ZNF687: variants seen among roughly 807,000 people sequenced by gnomAD.
ZNF687 encodes the protein zinc finger protein 687.
In ZNF687, 13 loss-of-function variants were observed where a neutral mutation model predicts 71.8. The ratio of observed to expected loss-of-function variants is 0.18; its 90% CI spans 0.12 to 0.29. The LOEUF is 0.29. Ranked by LOEUF, ZNF687 falls within the 10% of genes least tolerant of loss-of-function variation. The pLI, the probability that ZNF687 is intolerant of heterozygous loss-of-function variation, is 1.00. For missense variants in ZNF687, 1,412 were observed against 1,625.6 expected, an observed-to-expected ratio of 0.87 and a Z score of 2.26; for synonymous variants, 673 against 641.6, an observed-to-expected ratio of 1.05 and a Z score of -0.74.
Position 151,286,307 on chromosome 1 carries a change from A to G in ZNF687, c.16A>G (p.Thr6Ala). The change falls in exon 2 of 9, where the codon ACC becomes GCC. Residue 6 changes from threonine (T) to alanine (A), a missense_variant. By Grantham distance (58) the Thr-to-Ala change is moderately conservative. Coordinates refer to ENST00000336715, the MANE Select transcript of ZNF687 (RefSeq NM_020832.3). MGDMK[T>A]PDFDDLLAAF... is the part of the protein sequence containing the mutation. Reference sequence around the variant, plus strand: ...ATCTGCCGATATGGGGGATATGAAGACCCCTGATTTTGATGACCTCCTTGC... The same window carrying G: ...ATCTGCCGATATGGGGGATATGAAGGCCCCTGATTTTGATGACCTCCTTGC... The G allele has an allele frequency of 1.9e-6, 3 of 1,563,538 alleles. No individual in the cohort carries two copies. Among genetic ancestry groups the G allele is most frequent in the East Asian group, 2.2e-5 (1 of 44,492 alleles).
chr1:151,282,953 A>T, intron 1 of ZNF687: 1 of 237,674 alleles, frequency 4.2e-6, no homozygotes, highest in Non-Finnish European at 6.8e-6. Context: ...GACCCCAGCT[A>T]GAGAGCTGAG....
chr1:151,289,342 C>A (rs770526729), intron 4 of ZNF687, 36 bp from the exon 5 acceptor site: 1 of 1,613,774 alleles, frequency 6.2e-7, no homozygotes, highest in South Asian at 1.1e-5. Context: ...GGGCTGCACC[C>A]AACCCTGCCT....
At chr1:151,290,320 A>T in intron 7 of ZNF687, 86 bp downstream of exon 7, 8 of 1,608,354 alleles carry the variant, frequency 5.0e-6, no homozygotes, top group Non-Finnish European at 6.8e-6. Context: ...CGACGTGTCT[A>T]AGTGGCCTGA....
chr1:151,283,331 C>G, intron 1 of ZNF687: 2 of 983,968 alleles, frequency 2.0e-6, no homozygotes, highest in Non-Finnish European at 2.4e-6. Flanking sequence ...CAGTGGAGCC[C>G]CCACTCGACC....
chr1:151,283,127 C>T (rs1304650640), intron 1 of ZNF687: 1 of 985,330 alleles, frequency 1.0e-6, no homozygotes, highest in Non-Finnish European at 1.2e-6. Flanking sequence ...AGAAGGGCCG[C>T]GCGCCTCAGT....
rs1259062392 is a variant in ZNF687, at chr1:151,291,187, A to G, written c.3692A>G (p.Gln1231Arg). 2.5e-6 allele frequency: 4 copies of G among 1,611,846 alleles called. No individual in the cohort carries two copies. ...GGCATGGCGTTCATCAGGGCTCGGC[A>G]GGGGGCTGTTGGGGACAACTAGTCT... ...THGMAFIRAR[Q>R]GAVGDN is the part of the protein sequence containing the mutation. The change falls in exon 9 of 9, where the codon CAG becomes CGG. Residue 1231 changes from glutamine to arginine, a missense_variant. Transcript: ENST00000336715.
upstream of ZNF687, chr1:151,282,048 C>T: frequency 2.3e-6 from 3 of 1,282,634 alleles, no homozygotes; most frequent in Non-Finnish European, 2.1e-6. Context: ...GTAGATGGGG[C>T]AGACGGACCC....
In ZNF687 at chr1:151,286,749, G is replaced by A; in HGVS notation, c.458G>A (p.Gly153Asp). Residue 153 changes from glycine (G) to aspartate (D), a missense_variant, in exon 2 of 9, where the codon GGC (glycine) becomes GAC (aspartate). By Grantham distance (94) the Gly-to-Asp change is moderately conservative. This residue lies in a region of ZNF687 where 490 missense variants were observed against 489.9 expected (regional missense o/e 1.00). Transcript: ENST00000336715. The part of the protein sequence containing the change: ...PPSGGTWKEK[G>D]MEGKTPLDLF... ...AGTGGGGGCACCTGGAAAGAAAAAGGCATGGAAGGCAAAACTCCCTTGGAC... is the reference window on the plus strand; with the variant it reads ...AGTGGGGGCACCTGGAAAGAAAAAGACATGGAAGGCAAAACTCCCTTGGAC... 6.2e-7 allele frequency: 1 copy of A among 1,614,204 alleles called. No individual in the cohort carries two copies. The highest frequency in any genetic ancestry group is 1.1e-5 in the South Asian group (1 of 91,086).
At position 151,291,313 on chromosome 1, in the gene ZNF687, G is replaced by A. The variant is rs904552800; in HGVS notation, c.*104G>A. Reference sequence around the variant, plus strand: ...GAGTTTTCATTAACATTAATATTTTGTTAATTCCTGTCTCTCCAACCTGAA... The same window carrying A: ...GAGTTTTCATTAACATTAATATTTTATTAATTCCTGTCTCTCCAACCTGAA... On this transcript the variant is annotated 3_prime_UTR_variant, in exon 9 of 9. Transcript: ENST00000336715. 7 of 1,356,068 alleles carry A rather than the reference G, an allele frequency of 5.2e-6. No individual in the cohort carries two copies. The highest frequency in any genetic ancestry group is 6.9e-6 in the Non-Finnish European group (7 of 1,014,178). 84.0% of individuals were successfully genotyped at this position (1,356,068 alleles called of 1,614,324 possible). A position where few individuals can be genotyped will look rare whatever the true frequency, so the allele number is the denominator to read the frequency against.
rs1251278089 is a variant in ZNF687 at position 151,287,436 on chromosome 1, G to A, written c.1145G>A (p.Gly382Asp). 6.2e-7 allele frequency: 1 copy of A among 1,614,054 alleles called. No individual in the cohort carries two copies. The highest frequency in any genetic ancestry group is 2.2e-5 in the East Asian group (1 of 44,886). ...TCCCCTGCAACACCTACTTCTGAGG[G>A]TCCAAAGGTGGTGAGCGTACAGTTG... ...KLSPATPTSE[G>D]PKVVSVQLGD... Residue 382 changes from glycine to aspartate, a missense_variant, in exon 2 of 9, where the codon GGT (glycine) becomes GAT (aspartate). Transcript: ENST00000336715. The surrounding 1 kb of genome is among the most constrained non-coding windows in gnomAD (Gnocchi z 5.0).
intron 1 of ZNF687, chr1:151,283,009 C>G (rs997570317): frequency 1.7e-6 from 1 of 599,862 alleles, no homozygotes; most frequent in African/African-American, 2.0e-5. Context: ...TTTCCAGCTC[C>G]CCACCCTATC....
chr1:151,284,993 C>CA (rs1301754024), intron 1 of ZNF687, among the ~76,000 whole-genome samples: 1 of 151,750 alleles, frequency 6.6e-6, no homozygotes, highest in Non-Finnish European at 1.5e-5. Context: ...CCATGTTGCC[C>CA]AGGGTGGTCT....
At chr1:151,288,991 T>G (rs1469694114) in intron 3 of ZNF687, 104 bp from the exon 4 acceptor site, 1 of 1,299,692 alleles carries the variant, frequency 7.7e-7, no homozygotes, top group Non-Finnish European at 1.1e-6. Context: ...CACTACTGAT[T>G]TCCTTCTTGT....
At chr1:151,284,369 C>A in intron 1 of ZNF687, 1 of 636,810 alleles carries the variant, frequency 1.6e-6, no homozygotes, top group Non-Finnish European at 2.0e-6. Flanking sequence ...AGGTAGTGAG[C>A]GAGCAGCAGG....
chr1:151,289,089 C>T lies in ZNF687; in HGVS notation c.2295-6C>T. 3 of 1,613,390 alleles carry T rather than the reference C, an allele frequency of 1.9e-6. No homozygotes were observed. The Middle Eastern group carries it at 5.0e-4, about 266-fold the overall frequency. ...CTCACCACAGGGCCTCCTGCTTCCT[C>T]CCTAGGTGCCCCAGCTGTTCAGTGG... On this transcript the variant is annotated splice_region_variant and splice_polypyrimidine_tract_variant and intron_variant, in intron 3 of 8. Transcript: ENST00000336715.
intron 1 of ZNF687, 130 bp downstream of exon 1, chr1:151,282,525 G>C (rs1283765586): frequency 1.6e-6 from 1 of 622,350 alleles, no homozygotes; most frequent in Non-Finnish European, 2.0e-6. Context: ...CGGCTTCTAG[G>C]AAGGCCCAGA....
At position 151,289,809 on chromosome 1, in the gene ZNF687, G is replaced by T. The variant is rs771439894; in HGVS notation, c.2766G>T (p.Ser922=). 2.6e-6 allele frequency: 4 copies of T among 1,567,186 alleles called. No individual in the cohort carries two copies. The highest frequency in any genetic ancestry group is 2.6e-6 in the Non-Finnish European group (3 of 1,155,484). The change falls in exon 6 of 9, where the codon TCG becomes TCT. Residue 922 remains serine, a synonymous_variant. Coordinates refer to ENST00000336715, the MANE Select transcript of ZNF687 (RefSeq NM_020832.3). The part of the protein sequence containing the change: ...QGGAAPATEE[S]SSSSEEEEVP... ...GGGCAGCCCCTGCTACTGAGGAGTC[G>T]TCTTCATCTTCAGAAGAGGAGGAAG... is the stretch of plus-strand genomic sequence containing the variant.
rs1694160627 is a variant in ZNF687, at chr1:151,290,248, C to T, written c.3077+14C>T. ...TTACCCCTGCAGGTAAGTCTTGCTC[C>T]CCGCTTCCTCTTCCTGCCCAGCACG... On this transcript the variant is annotated intron_variant, in intron 7 of 8. Coordinates refer to ENST00000336715, the MANE Select transcript of ZNF687 (RefSeq NM_020832.3). The T allele has an allele frequency of 6.2e-7, 1 of 1,613,216 alleles. No homozygotes were observed. The highest frequency in any genetic ancestry group is 8.5e-7 in the Non-Finnish European group (1 of 1,179,566).
In ZNF687 at chr1:151,286,849, G is replaced by C; in HGVS notation, c.558G>C (p.Arg186=). ...PLPPSAPSPT[R]EGALTPPPFP... ...CTCCCTCTGCACCCTCTCCCACTCG[G>C]GAGGGGGCTCTGACCCCGCCTCCTT... The change falls in exon 2 of 9, where the codon CGG becomes CGC. Residue 186 remains arginine (R), a synonymous_variant. Coordinates refer to ENST00000336715, the MANE Select transcript of ZNF687 (RefSeq NM_020832.3). The C allele has an allele frequency of 6.2e-7, 1 of 1,613,956 alleles. No individual in the cohort carries two copies. Among genetic ancestry groups the C allele is most frequent in the Non-Finnish European group, 8.5e-7 (1 of 1,179,878 alleles).
Sources: allele counts gnomAD v4.1 joint callset (sites outside exome capture counted in the v4.1 genomes callset), GRCh38; gene constraint gnomAD v4.1.1; regional missense constraint gnomAD v4.1.1; non-coding constraint Gnocchi (gnomAD v3.1); transcripts MANE v1.5; gene names NCBI Gene and HGNC (gene_info 2026-07-23, HGNC 2026-07-21).